USP46: variants seen among roughly 807,000 people sequenced by gnomAD.
The protein encoded by USP46 is ubiquitin carboxyl-terminal hydrolase 46.
In USP46, 12 loss-of-function variants were observed where a neutral mutation model predicts 44.4. The observed-to-expected ratio is 0.27, with a 90% CI of 0.17 to 0.44. USP46 has a LOEUF of 0.44. USP46 is among the 20% of genes least tolerant of loss of function. The pLI is 1.00. For missense variants in USP46, 248 were observed against 444.8 expected (o/e 0.56, Z 3.98); for synonymous variants, 155 against 161.5 (o/e 0.96, Z 0.31).
intron 1 of USP46, among the ~76,000 whole-genome samples, chr4:52,641,215 C>T (rs150502098): frequency 3.9e-5 from 6 of 152,160 alleles, no homozygotes; most frequent in African/African-American, 9.6e-5. Context: ...AACAAAGTAC[C>T]GATCTTGGGG....
At chr4:52,634,119 CTTTT>C (rs778051273) in intron 1 of USP46, among the ~76,000 whole-genome samples, 1 of 144,510 alleles carries the variant, frequency 6.9e-6, no homozygotes, top group Non-Finnish European at 1.5e-5. Flanking sequence ...TGTCTTTTTT[CTTTT>C]TTTTTTTTTG....
intron 4 of USP46, among the ~76,000 whole-genome samples, chr4:52,624,526 T>C (rs538004786): frequency 6.6e-6 from 1 of 152,342 alleles, no homozygotes; most frequent in South Asian, 2.1e-4. Flanking sequence ...AACAGAATGC[T>C]TGACTCAAAA....
rs1171063434 is a variant in USP46 at position 52,597,534 on chromosome 4, G to A, written c.*106C>T. 5 of 736,218 alleles carry A rather than the reference G, an allele frequency of 6.8e-6. No homozygotes were observed. Among genetic ancestry groups the A allele is most frequent in the Admixed American group, 5.2e-5 (2 of 38,140 alleles). 45.6% of individuals were successfully genotyped at this position (736,218 alleles called of 1,614,324 possible). A position where few individuals can be genotyped will look rare whatever the true frequency, so the allele number is the denominator to read the frequency against. ...CACAGCCAGACCATTGAGACTCGGA[G>A]TGATACCATTAGTGGGCCACTGGGG... On this transcript the variant is annotated 3_prime_UTR_variant, in exon 9 of 9. Transcript: ENST00000441222.
intron 1 of USP46, chr4:52,651,066 C>A (rs2109666995): frequency 7.2e-6 from 1 of 139,026 alleles, no homozygotes; most frequent in African/African-American, 2.8e-5. Context: ...GTACTCCAGC[C>A]TGGCAACAGA....
chr4:52,627,550 A>G (rs770887265), intron 3 of USP46, among the ~76,000 whole-genome samples: 1 of 152,244 alleles, frequency 6.6e-6, no homozygotes, highest in Non-Finnish European at 1.5e-5. Context: ...CTCTGATTAG[A>G]TAACAGGCAC....
chr4:52,656,329 A>G (rs955241337), intron 1 of USP46: 3 of 1,551,338 alleles, frequency 1.9e-6, no homozygotes, highest in Non-Finnish European at 2.6e-6. Context: ...AAAGAATCTA[A>G]AGAGAGGTCC....
rs372133776 is a variant in USP46 at position 52,597,613 on chromosome 4, C to G, written c.*27G>C. On this transcript the variant is annotated 3_prime_UTR_variant, in exon 9 of 9. Transcript: ENST00000441222. ...GACAGTGCTGTGAACATTCTCCCCA[C>G]GTGAATCAGTCCCGCAGGTCTTTCA... The G allele has an allele frequency of 1.6e-5, 24 of 1,493,770 alleles. No homozygotes were observed. In the African/African-American group the frequency reaches 1.8e-4, roughly 11 times the overall value. The allele number at this position is 1,493,770 out of a possible 1,614,324, so 92.5% of individuals were successfully genotyped here. A position where few individuals can be genotyped will look rare whatever the true frequency, so the allele number is the denominator to read the frequency against.
intron 7 of USP46, among the ~76,000 whole-genome samples, chr4:52,600,112 G>T (rs897291718): frequency 6.6e-6 from 1 of 152,118 alleles, no homozygotes; most frequent in Non-Finnish European, 1.5e-5. Flanking sequence ...GGGGTAGCAG[G>T]GTGGTGTGTT....
At chr4:52,604,446 CA>C (rs1456389018) in intron 6 of USP46, 54 bp downstream of exon 6, 1 of 1,465,144 alleles carries the variant, frequency 6.8e-7, no homozygotes, top group Non-Finnish European at 9.5e-7. Flanking sequence ...CTGGGCCCCA[CA>C]GTCGGGATCC....
intron 5 of USP46, among the ~76,000 whole-genome samples, chr4:52,608,906 G>A (rs1451103401): frequency 1.3e-5 from 2 of 152,104 alleles, no homozygotes; most frequent in Non-Finnish European, 2.9e-5. Context: ...GGAGATTCTG[G>A]GAAGGAGTCA....
chr4:52,610,504 C>G (rs1716898826), intron 5 of USP46, 37 bp downstream of exon 5: 2 of 1,587,388 alleles, frequency 1.3e-6, no homozygotes, highest in African/African-American at 2.7e-5. Flanking sequence ...AGTTACAAGC[C>G]TGATCAAAAG....
chr4:52,659,141 G>C lies in USP46; in HGVS notation c.10C>G (p.Arg4Gly), dbSNP rs868440099. Residue 4 changes from arginine to glycine, a missense_variant, in exon 1 of 9, where the codon CGA becomes GGA. This residue lies in a region of USP46 where 31 missense variants were observed against 32.5 expected (regional missense o/e 0.96). Coordinates refer to ENST00000441222, the MANE Select transcript of USP46 (RefSeq NM_022832.4). The surrounding 1 kb of genome is among the most constrained non-coding windows in gnomAD (Gnocchi z 4.2). MTVRNIASICNMGT... is the reference protein window; with the variant it reads MTVGNIASICNMGT... ...ATATTACAGATGGAGGCGATGTTTC[G>C]GACAGTCATTAGTCTAAAGGTTGCA... 18 of 1,568,836 alleles carry C rather than the reference G, an allele frequency of 1.1e-5. No individual in the cohort carries two copies. The highest frequency in any genetic ancestry group is 1.5e-5 in the Non-Finnish European group (17 of 1,158,676).
In USP46 at chr4:52,632,918, GAGAAAGAAAGAA is replaced by G. The variant is rs58983073; in HGVS notation, c.37-1786_37-1775del. ...AGGAAGGGAAAGAGAAAGAAAGAAA[GAGAAAGAAAGAA>G]AGAAAGAAAGAAAGAAAGAAAGAAA... is the stretch of plus-strand genomic sequence containing the variant. On this transcript the variant is annotated intron_variant, in intron 1 of 8. Coordinates refer to ENST00000441222, the MANE Select transcript of USP46 (RefSeq NM_022832.4). 4.4e-3 allele frequency among the ~76,000 whole-genome samples: 155 copies of G among 35,192 alleles called. 1 individual carries two copies. The highest frequency in any genetic ancestry group is 9.1e-3 in the African/African-American group (114 of 12,564). The allele number at this position is 35,192 out of a possible 152,430, so 23.1% of individuals were successfully genotyped here.
chr4:52,645,297 G>A (rs1473327691), intron 1 of USP46, among the ~76,000 whole-genome samples: 1 of 151,220 alleles, frequency 6.6e-6, no homozygotes, highest in Non-Finnish European at 1.5e-5. Flanking sequence ...CAAAACATCT[G>A]CCACTGAAGA....
At chr4:52,604,435 G>T in intron 6 of USP46, 66 bp downstream of exon 6, 1 of 1,375,904 alleles carries the variant, frequency 7.3e-7, no homozygotes, top group Non-Finnish European at 1.0e-6. Context: ...AGCCAACCCT[G>T]CTGGGCCCCA....
rs1439849464 is a variant in USP46, at chr4:52,656,818, C to T, written c.36+2297G>A. On this transcript the variant is annotated intron_variant, in intron 1 of 8. Coordinates refer to ENST00000441222, the MANE Select transcript of USP46 (RefSeq NM_022832.4). ...GCTTCGGGAGGCTGAGGTGGGAGGA[C>T]CACTTGAGCCCAGGTATTAGGGACC... Among the ~76,000 whole-genome samples the T allele has an allele frequency of 4.6e-5, 7 of 151,580 alleles. No homozygotes were observed. In the East Asian group the frequency reaches 1.4e-3, roughly 30 times the overall value.
intron 1 of USP46, among the ~76,000 whole-genome samples, chr4:52,646,579 A>G (rs1419620912): frequency 1.3e-5 from 2 of 152,206 alleles, no homozygotes; most frequent in African/African-American, 4.8e-5. Context: ...CAAAAAAATT[A>G]AGGCTTGCAT....
chr4:52,633,911 A>C (rs1718007662), intron 1 of USP46, among the ~76,000 whole-genome samples: 1 of 152,148 alleles, frequency 6.6e-6, no homozygotes, highest in Non-Finnish European at 1.5e-5. Flanking sequence ...AGGACAAAAC[A>C]GCACAGCGAA....
At chr4:52,627,823 ACCGAGTAGTTAAC>A in intron 3 of USP46, 114 bp downstream of exon 3, 1 of 1,043,640 alleles carries the variant, frequency 9.6e-7, no homozygotes, top group Non-Finnish European at 1.4e-6. Flanking sequence ...AAAAAATGAC[ACCGAGTAGTTAAC>A]CATGCTTATT....
Sources: allele counts gnomAD v4.1 joint callset (sites outside exome capture counted in the v4.1 genomes callset), GRCh38; gene constraint gnomAD v4.1.1; regional missense constraint gnomAD v4.1.1; non-coding constraint Gnocchi (gnomAD v3.1); transcripts MANE v1.5; gene names NCBI Gene and HGNC (gene_info 2026-07-23, HGNC 2026-07-21).